Variants in DMD observed in about 807,000 individuals in gnomAD.
DMD encodes mutant dystrophin.
DMD carries 63 observed loss-of-function variants against 330.1 expected under a neutral mutation model. That is an observed-to-expected ratio of 0.19 (90% CI 0.16 to 0.24). DMD has a LOEUF of 0.24. Ranked by LOEUF, DMD falls within the 10% of genes least tolerant of loss-of-function variation. The pLI is 1.00. For missense variants in DMD, 3,344 were observed against 2,684.1 expected, an observed-to-expected ratio of 1.25 and a Z score of -5.43; for synonymous variants, 1,223 against 959.8, an observed-to-expected ratio of 1.27 and a Z score of -5.07.
intron 62 of DMD, chrX:31,266,995 G>A: frequency 1.2e-5 from 9 of 778,766 alleles, no homozygotes; most frequent in Non-Finnish European, 1.6e-5. Context: ...GGGCGCTGCG[G>A]GCAGACGGGG....
intron 1 of DMD, among the ~76,000 whole-genome samples, chrX:33,026,309 G>A (rs1198267926): frequency 5.5e-5 from 2 of 36,528 alleles, no homozygotes; most frequent in Middle Eastern, 0.038. Context: ...AGGAGACTCC[G>A]TCTCAAAAAA....
Position 33,084,433 on chromosome X carries a change from G to A in DMD, c.32-64233C>T, listed in dbSNP as rs180745166. Among the ~76,000 whole-genome samples, 342 of 112,260 alleles carry A rather than the reference G, an allele frequency of 3.0e-3. 1 individual carries two copies. Among genetic ancestry groups the A allele is most frequent in the Non-Finnish European group, 5.1e-3 (269 of 53,208 alleles). On this transcript the variant is annotated intron_variant, in intron 1 of 78. Transcript: ENST00000357033. ...TCAAATCAGCAAATCGGTCTCCCCA[G>A]GCATTCGGGGAACAGAGTTTTTAAG...
Position 33,125,744 on chromosome X carries a change from A to G in DMD, c.31+85538T>C, listed in dbSNP as rs1442527080. Reference sequence around the variant, plus strand: ...TCAGTTTTCAAACTGTGGCTTTGGTAAGGTAAGTTGGAAAACATCTTAGTT... The same window carrying G: ...TCAGTTTTCAAACTGTGGCTTTGGTGAGGTAAGTTGGAAAACATCTTAGTT... On this transcript the variant is annotated intron_variant, in intron 1 of 78. Coordinates refer to ENST00000357033, the MANE Select transcript of DMD (RefSeq NM_004006.3). Among the ~76,000 whole-genome samples, 5 of 111,793 alleles carry G rather than the reference A, an allele frequency of 4.5e-5. No individual in the cohort carries two copies. In the Admixed American group the frequency reaches 4.8e-4, roughly 11 times the overall value.
At chrX:31,990,464 G>A (rs1001300524) in intron 44 of DMD, among the ~76,000 whole-genome samples, 1 of 112,005 alleles carries the variant, frequency 8.9e-6, no homozygotes, top group Non-Finnish European at 1.9e-5. Context: ...TACCATATGA[G>A]CTAAGAGACT....
intron 63 of DMD, among the ~76,000 whole-genome samples, chrX:31,246,900 T>C (rs1284755288): frequency 9.2e-6 from 1 of 108,772 alleles, no homozygotes; most frequent in Non-Finnish European, 1.9e-5. Context: ...CACTCCAGCC[T>C]GGGTGACAGA....
chrX:32,721,805 AGTCTTATGATTTTAG>A (rs1418949676), intron 7 of DMD, among the ~76,000 whole-genome samples: 1 of 110,220 alleles, frequency 9.1e-6, no homozygotes, highest in Non-Finnish European at 1.9e-5. Flanking sequence ...TTCTTCTAGG[AGTCTTATGATTTTAG>A]GTCTTATATT....
chrX:32,179,808 G>C (rs1189445746), intron 44 of DMD, among the ~76,000 whole-genome samples: 1 of 111,342 alleles, frequency 9.0e-6, no homozygotes, highest in Non-Finnish European at 1.9e-5. Context: ...AGTCTCAGGA[G>C]ATCTGATGGT....
chrX:31,282,311 G>C (rs1300583808), intron 62 of DMD, among the ~76,000 whole-genome samples: 1 of 111,512 alleles, frequency 9.0e-6, no homozygotes, highest in African/African-American at 3.3e-5. Flanking sequence ...GCTCTTTATA[G>C]ATGAAATATG....
At chrX:31,570,644 C>CT (rs1214878659) in intron 55 of DMD, among the ~76,000 whole-genome samples, 1 of 109,665 alleles carries the variant, frequency 9.1e-6, no homozygotes, top group African/African-American at 3.3e-5. Context: ...ATAAACTGGT[C>CT]TTTTTTCCCT....
chrX:31,313,323 C>T (rs976657494), intron 62 of DMD, among the ~76,000 whole-genome samples: 17 of 110,379 alleles, frequency 1.5e-4, no homozygotes, highest in East Asian at 5.6e-4. Flanking sequence ...AACTTGATTG[C>T]GAAGATACGC....
intron 78 of DMD, among the ~76,000 whole-genome samples, chrX:31,122,261 T>TATCA (rs1671956232): frequency 8.9e-6 from 1 of 112,401 alleles, no homozygotes; most frequent in Non-Finnish European, 1.9e-5. Flanking sequence ...ACAAGATTTC[T>TATCA]ATCAGAACAG....
intron 6 of DMD, 49 bp downstream of exon 6, chrX:32,816,417 GTC>G (rs2077765514): frequency 1.7e-6 from 2 of 1,181,789 alleles, no homozygotes; most frequent in Non-Finnish European, 2.3e-6. Flanking sequence ...TGTCATCAGA[GTC>G]TAAATCACCA....
chrX:32,678,441 T>C (rs779092785), intron 9 of DMD, among the ~76,000 whole-genome samples: 1 of 111,547 alleles, frequency 9.0e-6, no homozygotes, highest in South Asian at 3.7e-4. Flanking sequence ...ATTTAGTAAG[T>C]AGCAGAACCA....
chrX:32,885,827 GAAAAA>G (rs35272541), intron 2 of DMD, among the ~76,000 whole-genome samples: 1 of 64,936 alleles, frequency 1.5e-5, no homozygotes, highest in African/African-American at 5.7e-5. Context: ...CCTTGAGGGG[GAAAAA>G]AAAAAAAAAA....
chrX:32,767,242 TAAAA>T (rs1299749769), intron 7 of DMD, among the ~76,000 whole-genome samples: 1 of 111,795 alleles, frequency 8.9e-6, no homozygotes, highest in African/African-American at 3.2e-5. Flanking sequence ...AACCCTGGTG[TAAAA>T]TTTAGAAAAC....
intron 2 of DMD, among the ~76,000 whole-genome samples, chrX:33,009,424 ATATGTATGTGTATACACATATG>A (rs200872272): frequency 0.021 from 753 of 35,221 alleles, 166 homozygotes; most frequent in African/African-American, 0.063. Flanking sequence ...ACATGTGTGT[ATATGTATGTGTATACACATATG>A]TATGTATGTG....
intron 60 of DMD, among the ~76,000 whole-genome samples, chrX:31,441,389 G>T (rs2064944616): frequency 9.0e-6 from 1 of 111,261 alleles, no homozygotes; most frequent in Non-Finnish European, 1.9e-5. Flanking sequence ...TAGAGATGAG[G>T]TTTCACCATG....
chrX:31,794,020 T>C (rs1232875445), intron 50 of DMD, among the ~76,000 whole-genome samples: 1 of 111,497 alleles, frequency 9.0e-6, no homozygotes, highest in Non-Finnish European at 1.9e-5. Context: ...ATAGGTTACA[T>C]ACAAGTTTTC....
At chrX:32,902,103 A>C (rs1268155239) in intron 2 of DMD, among the ~76,000 whole-genome samples, 1 of 107,992 alleles carries the variant, frequency 9.3e-6, no homozygotes, top group Non-Finnish European at 1.9e-5. Context: ...GCAATAGCAA[A>C]ATAAAGAACC....
Sources: allele counts gnomAD v4.1 joint callset (sites outside exome capture counted in the v4.1 genomes callset), GRCh38; gene constraint gnomAD v4.1.1; transcripts MANE v1.5; gene names NCBI Gene and HGNC (gene_info 2026-07-23, HGNC 2026-07-21).